CMSS1: variants seen among roughly 807,000 people sequenced by gnomAD.
CMSS1 encodes the protein cms1 ribosomal small subunit homolog, also known as protein CMSS1.
CMSS1 carries 33 observed loss-of-function variants against 43.5 expected under a neutral mutation model. The observed-to-expected ratio is 0.76, with a 90% CI of 0.57 to 1.01. The LOEUF (loss-of-function observed/expected upper bound fraction) is 1.01. Ranked by LOEUF, CMSS1 falls within the 50% of genes least tolerant of loss-of-function variation. The pLI is 0.00. For missense variants in CMSS1, 313 were observed against 326.4 expected, an observed-to-expected ratio of 0.96 and a Z score of 0.32; for synonymous variants, 115 against 117.2, an observed-to-expected ratio of 0.98 and a Z score of 0.12.
intron 1 of CMSS1, among the ~76,000 whole-genome samples, chr3:99,920,977 CT>C (rs1337534917): frequency 6.6e-6 from 1 of 152,130 alleles, no homozygotes; most frequent in Admixed American, 6.5e-5. Context: ...CCAGATACCC[CT>C]TTGTATCTAT....
Position 99,907,766 on chromosome 3 carries a change from G to C in CMSS1, c.64+89723G>C, listed in dbSNP as rs149041643. The stretch of plus-strand genomic sequence containing the variant: ...CTCTTTTTCTCCTTGTCTGAACTAT[G>C]TCTGTCTTTTAATGTGCAACGCTAA... On this transcript the variant is annotated intron_variant, in intron 1 of 9. Coordinates refer to ENST00000421999, the MANE Select transcript of CMSS1 (RefSeq NM_032359.4). 2.0e-4 allele frequency among the ~76,000 whole-genome samples: 30 copies of C among 152,118 alleles called. No individual in the cohort carries two copies. In the East Asian group the frequency reaches 5.6e-3, roughly 28 times the overall value.
chr3:99,941,563 G>A (rs1020666268), intron 1 of CMSS1, among the ~76,000 whole-genome samples: 1 of 152,128 alleles, frequency 6.6e-6, no homozygotes, highest in Non-Finnish European at 1.5e-5. Context: ...AAAAGTGAGG[G>A]CAGAAAGGTC....
intron 1 of CMSS1, chr3:99,848,668 T>G (rs1273054294): frequency 6.2e-7 from 1 of 1,614,178 alleles, no homozygotes; most frequent in East Asian, 2.2e-5. Flanking sequence ...AGCCAAAACC[T>G]GAATAGGGGA....
At chr3:100,121,503 C>T (rs548248390) in intron 1 of CMSS1, among the ~76,000 whole-genome samples, 6 of 152,122 alleles carry the variant, frequency 3.9e-5, no homozygotes, top group Admixed American at 6.5e-5. Context: ...ATGGACATTT[C>T]GGTTGGTTCC....
intron 1 of CMSS1, chr3:99,848,101 C>T (rs1234020758): frequency 7.0e-7 from 1 of 1,420,280 alleles, no homozygotes; most frequent in African/African-American, 1.4e-5. Flanking sequence ...AGTAAGTGCA[C>T]ACTCGATATG....
intron 1 of CMSS1, among the ~76,000 whole-genome samples, chr3:99,970,072 A>T (rs1708769160): frequency 6.6e-6 from 1 of 152,236 alleles, no homozygotes; most frequent in Non-Finnish European, 1.5e-5. Flanking sequence ...AAACTTGTTG[A>T]TATTTGAGTA....
intron 1 of CMSS1, among the ~76,000 whole-genome samples, chr3:100,110,918 A>G (rs1272934105): frequency 1.3e-5 from 2 of 152,182 alleles, no homozygotes; most frequent in Non-Finnish European, 2.9e-5. Flanking sequence ...GTAAAATTCC[A>G]TTTGTATTTT....
chr3:100,149,333 C>G (rs1402407928), intron 2 of CMSS1, among the ~76,000 whole-genome samples: 3 of 152,124 alleles, frequency 2.0e-5, no homozygotes, highest in Admixed American at 6.5e-5. Context: ...TGGCTGTGAG[C>G]CAGACTCCAA....
chr3:99,852,833 A>G (rs907385330), intron 1 of CMSS1, among the ~76,000 whole-genome samples: 1 of 152,112 alleles, frequency 6.6e-6, no homozygotes, highest in Non-Finnish European at 1.5e-5. Flanking sequence ...CTTTTCTGTA[A>G]TTTTCTGTAA....
chr3:100,010,957 T>G (rs1295954158), intron 1 of CMSS1, among the ~76,000 whole-genome samples: 2 of 151,714 alleles, frequency 1.3e-5, no homozygotes, highest in Admixed American at 6.6e-5. Context: ...ATAGTTTAAG[T>G]CTACAAATAA....
intron 1 of CMSS1, among the ~76,000 whole-genome samples, chr3:99,936,828 G>A (rs1707691252): frequency 2.0e-5 from 3 of 151,950 alleles, no homozygotes; most frequent in African/African-American, 7.3e-5. Context: ...CATAGTAAAG[G>A]AAAAATCCTG....
intron 1 of CMSS1, among the ~76,000 whole-genome samples, chr3:99,877,616 A>G (rs778772013): frequency 1.3e-5 from 2 of 152,204 alleles, no homozygotes; most frequent in East Asian, 1.9e-4. Flanking sequence ...TTGATTTGCA[A>G]TTGTGTACTA....
chr3:99,885,550 T>A (rs1334832809), intron 1 of CMSS1, among the ~76,000 whole-genome samples: 2 of 152,256 alleles, frequency 1.3e-5, no homozygotes, highest in East Asian at 3.8e-4. Context: ...CTTACTTTGA[T>A]ACTTCTTCAT....
chr3:99,907,493 C>T (rs541133596), intron 1 of CMSS1, among the ~76,000 whole-genome samples: 31 of 152,244 alleles, frequency 2.0e-4, no homozygotes, highest in Non-Finnish European at 2.6e-4. Context: ...ATGATCCACC[C>T]GCCTCGGCCT....
At chr3:99,876,250 C>G (rs1215784243) in intron 1 of CMSS1, 1 of 984,170 alleles carries the variant, frequency 1.0e-6, no homozygotes, top group East Asian at 1.1e-4. Flanking sequence ...GCGTGTGCGG[C>G]GCTGTCGGCG....
intron 3 of CMSS1, among the ~76,000 whole-genome samples, chr3:100,161,045 T>A (rs937895503): frequency 1.3e-5 from 2 of 152,240 alleles, no homozygotes; most frequent in African/African-American, 4.8e-5. Flanking sequence ...CTCTTTCTCA[T>A]ATACAAACTT....
chr3:99,907,392 C>T (rs1228138514), intron 1 of CMSS1, among the ~76,000 whole-genome samples: 2 of 152,060 alleles, frequency 1.3e-5, no homozygotes, highest in Non-Finnish European at 2.9e-5. Flanking sequence ...GGACTACAGG[C>T]GCCCACCACC....
At chr3:99,889,580 A>C (rs1706019906) in intron 1 of CMSS1, among the ~76,000 whole-genome samples, 1 of 151,956 alleles carries the variant, frequency 6.6e-6, no homozygotes, top group African/African-American at 2.4e-5. Context: ...TGTTTATAGT[A>C]ATTATTTGCT....
At chr3:100,020,759 G>C (rs1333148943) in intron 1 of CMSS1, among the ~76,000 whole-genome samples, 1 of 111,628 alleles carries the variant, frequency 9.0e-6, no homozygotes, top group Non-Finnish European at 1.8e-5. Flanking sequence ...TGAATAATTA[G>C]CTTTTTTTTT....
Sources: gnomAD v4.1 joint callset for allele counts (sites outside exome capture counted in the v4.1 genomes callset) on GRCh38, gnomAD v4.1.1 for gene constraint, MANE v1.5 for transcripts, NCBI Gene and HGNC (gene_info 2026-07-23, HGNC 2026-07-21) for gene names.